Variants in UST observed in about 807,000 individuals in gnomAD.
UST encodes uronyl 2-sulfotransferase, also known as chondroitin sulfate 2-O-sulfotransferase.
In UST, 21 loss-of-function variants were observed where a neutral mutation model predicts 45.6. The observed-to-expected ratio is 0.46, with a 90% CI of 0.33 to 0.66. UST has a LOEUF of 0.66. Among genes scored for constraint, UST ranks in the 30% least tolerant of loss-of-function variants. The pLI is 0.02. For synonymous variants in UST, 215 were observed against 200.6 expected (o/e 1.07, Z -0.61); for missense variants, 463 against 512.4 (o/e 0.90, Z 0.93).
chr6:149,018,338 G>C (rs1246524541), intron 5 of UST, among the ~76,000 whole-genome samples: 1 of 152,144 alleles, frequency 6.6e-6, no homozygotes, highest in Non-Finnish European at 1.5e-5. Context: ...TGCCTTGCCA[G>C]TATAGTCTCT....
intron 2 of UST, among the ~76,000 whole-genome samples, chr6:148,932,201 G>A (rs1022758756): frequency 2.6e-5 from 4 of 152,284 alleles, no homozygotes; most frequent in Non-Finnish European, 5.9e-5. Context: ...CCAACAGGGT[G>A]AAATCCTGTC....
intron 1 of UST, among the ~76,000 whole-genome samples, chr6:148,801,754 C>T (rs1450550689): frequency 6.6e-6 from 1 of 152,148 alleles, no homozygotes. Flanking sequence ...CCCGGCATAT[C>T]TCATTCTCTC....
At chr6:148,863,243 C>T (rs2114803322) in intron 1 of UST, among the ~76,000 whole-genome samples, 1 of 152,238 alleles carries the variant, frequency 6.6e-6, no homozygotes, top group Admixed American at 6.5e-5. Context: ...TCTTTTCATT[C>T]ATTTGATCTT....
intron 1 of UST, among the ~76,000 whole-genome samples, chr6:148,886,023 C>G (rs895377068): frequency 2.0e-5 from 3 of 152,196 alleles, no homozygotes; most frequent in African/African-American, 7.2e-5. Context: ...TAGGCGCCTT[C>G]GATTATACTG....
intron 1 of UST, among the ~76,000 whole-genome samples, chr6:148,753,236 T>G (rs1382896046): frequency 6.6e-6 from 1 of 152,192 alleles, no homozygotes; most frequent in East Asian, 1.9e-4. Context: ...TTGCCACAAT[T>G]TTAGATTTTC....
At chr6:148,824,869 C>G (rs1392082202) in intron 1 of UST, among the ~76,000 whole-genome samples, 1 of 136,604 alleles carries the variant, frequency 7.3e-6, no homozygotes, top group Admixed American at 7.3e-5. Flanking sequence ...GTGATTTTCC[C>G]CTTCCTGTGT....
At chr6:148,863,556 C>T (rs183275401) in intron 1 of UST, among the ~76,000 whole-genome samples, 1 of 152,234 alleles carries the variant, frequency 6.6e-6, no homozygotes. Flanking sequence ...CAAGGAGCTG[C>T]ATTCCTCTGG....
In UST at chr6:148,838,521, ATGCTGT is replaced by A. The variant is rs201510264; in HGVS notation, c.248-48441_248-48436del. Among the ~76,000 whole-genome samples the A allele has an allele frequency of 4.4e-3, 664 of 152,208 alleles. 3 individuals carry two copies. Among genetic ancestry groups the A allele is most frequent in the African/African-American group, 0.015 (607 of 41,520 alleles). On this transcript the variant is annotated intron_variant, in intron 1 of 7. Coordinates refer to ENST00000367463, the MANE Select transcript of UST (RefSeq NM_005715.3). ...TCTGCATTTCTAACATCTTCCTGGG[ATGCTGT>A]TGCTGTTGCTGTTGCTGTTGCTGCT...
intron 3 of UST, among the ~76,000 whole-genome samples, chr6:148,952,702 C>T (rs1172691417): frequency 6.6e-6 from 1 of 152,180 alleles, no homozygotes; most frequent in East Asian, 1.9e-4. Context: ...GTTGCTACTG[C>T]GGTTCACATG....
At chr6:148,754,657 A>T (rs895675979) in intron 1 of UST, among the ~76,000 whole-genome samples, 1 of 152,180 alleles carries the variant, frequency 6.6e-6, no homozygotes, top group Non-Finnish European at 1.5e-5. Context: ...TATATTCTTA[A>T]CAGTAGACCC....
At chr6:149,053,215 G>T (rs953370378) in intron 7 of UST, among the ~76,000 whole-genome samples, 1 of 152,160 alleles carries the variant, frequency 6.6e-6, no homozygotes, top group African/African-American at 2.4e-5. Flanking sequence ...GACATTCAGT[G>T]ACATTTGTTT....
At position 149,021,486 on chromosome 6, in the gene UST, CT is replaced by C; in HGVS notation, c.937+7del. On this transcript the variant is annotated splice_donor_region_variant and intron_variant, in intron 7 of 7. Transcript: ENST00000367463. Reference sequence around the variant, plus strand: ...TCAGTATCTACAAAGACCCAGGTAACTTCATTTGTAAGCAAGCTCTTCTCCA... The same window carrying C: ...TCAGTATCTACAAAGACCCAGGTAACTCATTTGTAAGCAAGCTCTTCTCCA... 6.2e-7 allele frequency: 1 copy of C among 1,613,956 alleles called. No individual in the cohort carries two copies. The highest frequency in any genetic ancestry group is 8.5e-7 in the Non-Finnish European group (1 of 1,179,902).
intron 1 of UST, among the ~76,000 whole-genome samples, chr6:148,853,616 G>A (rs111492221): frequency 0.056 from 8,449 of 152,108 alleles, 300 homozygotes; most frequent in East Asian, 0.16. Context: ...CAACCTCACC[G>A]GCATCTGTTC....
At chr6:149,014,314 T>C (rs1246585825) in intron 5 of UST, among the ~76,000 whole-genome samples, 1 of 152,240 alleles carries the variant, frequency 6.6e-6, no homozygotes, top group Non-Finnish European at 1.5e-5. Flanking sequence ...AGTCCTTTCA[T>C]GGGCACCATG....
intron 1 of UST, among the ~76,000 whole-genome samples, chr6:148,771,917 C>T (rs1776434884): frequency 6.6e-6 from 1 of 152,090 alleles, no homozygotes; most frequent in Non-Finnish European, 1.5e-5. Flanking sequence ...GAAAGGGTGG[C>T]CTCTGTCTTC....
chr6:149,000,991 G>GA (rs1480976401), intron 5 of UST, among the ~76,000 whole-genome samples: 5 of 149,748 alleles, frequency 3.3e-5, no homozygotes, highest in African/African-American at 1.2e-4. Flanking sequence ...AGGAGATCCA[G>GA]AAAAAAGAGA....
chr6:149,004,541 CATAAAAGTTCACGCTA>C (rs1781609847), intron 5 of UST, among the ~76,000 whole-genome samples: 1 of 152,210 alleles, frequency 6.6e-6, no homozygotes, highest in Non-Finnish European at 1.5e-5. Flanking sequence ...GAGTAGGTAA[CATAAAAGTTCACGCTA>C]ATAACCGGAC....
rs1776868480 is a variant in UST, at chr6:149,074,790, C to T, written c.*674C>T. ...TCTCCATGGGTAAGTGGTTTCTACC[C>T]GCATGGGTAGAGTTCTGCCTCTGGT... On this transcript the variant is annotated 3_prime_UTR_variant, in exon 8 of 8. Coordinates refer to ENST00000367463, the MANE Select transcript of UST (RefSeq NM_005715.3). 2 of 151,974 alleles carry T rather than the reference C, an allele frequency of 1.3e-5. No homozygotes were observed. The highest frequency in any genetic ancestry group is 4.8e-5 in the African/African-American group (2 of 41,310). 9.4% of individuals were successfully genotyped at this position (151,974 alleles called of 1,614,324 possible).
At chr6:148,972,610 C>T (rs544154102) in intron 5 of UST, among the ~76,000 whole-genome samples, 3 of 152,376 alleles carry the variant, frequency 2.0e-5, no homozygotes, top group African/African-American at 4.8e-5. Flanking sequence ...CAAGGGCCGC[C>T]AGAGCACAGC....
Sources: allele counts gnomAD v4.1 joint callset (sites outside exome capture counted in the v4.1 genomes callset), GRCh38; gene constraint gnomAD v4.1.1; transcripts MANE v1.5; gene names NCBI Gene and HGNC (gene_info 2026-07-23, HGNC 2026-07-21).